KCNMA1: variants seen among roughly 807,000 people sequenced by gnomAD.
KCNMA1 encodes the protein Calcium-activated potassium channel subunit alpha-1.
In KCNMA1, 29 loss-of-function variants were observed where a neutral mutation model predicts 140.0. The observed-to-expected ratio is 0.21, with a 90% CI of 0.15 to 0.28. The LOEUF (loss-of-function observed/expected upper bound fraction) is 0.28. Ranked by LOEUF, KCNMA1 falls within the 10% of genes least tolerant of loss-of-function variation. The pLI, the probability that KCNMA1 is intolerant of heterozygous loss-of-function variation, is 1.00. For missense variants in KCNMA1, 880 were observed against 1,602.2 expected (o/e 0.55, Z 7.70); for synonymous variants, 612 against 611.9 (o/e 1.00, Z 0.00).
At chr10:77,262,896 T>A (rs540838695) in intron 2 of KCNMA1, among the ~76,000 whole-genome samples, 4 of 152,210 alleles carry the variant, frequency 2.6e-5, no homozygotes, top group African/African-American at 9.6e-5. Context: ...GCAATGCAAA[T>A]AACTAGTACA....
intron 2 of KCNMA1, among the ~76,000 whole-genome samples, chr10:77,284,180 A>T (rs954687135): frequency 3.9e-5 from 6 of 152,194 alleles, no homozygotes; most frequent in African/African-American, 1.4e-4. Context: ...CTAATTGTTC[A>T]GGAAAGGTGA....
chr10:77,322,972 A>C (rs1399403112), intron 2 of KCNMA1, among the ~76,000 whole-genome samples: 1 of 152,210 alleles, frequency 6.6e-6, no homozygotes, highest in African/African-American at 2.4e-5. Flanking sequence ...CTGAGGATTG[A>C]CTTATTCAGC....
intron 19 of KCNMA1, among the ~76,000 whole-genome samples, chr10:76,994,585 G>A (rs2083662326): frequency 6.6e-6 from 1 of 152,168 alleles, no homozygotes; most frequent in South Asian, 2.1e-4. Context: ...ACTAAAACAT[G>A]ATGCTAGCCT....
intron 17 of KCNMA1, chr10:77,012,670 T>G: frequency 2.4e-6 from 2 of 842,214 alleles, no homozygotes; most frequent in Non-Finnish European, 3.8e-6. Context: ...TCCCATGCTA[T>G]CCAGCCCTGA....
chr10:77,256,320 G>A (rs934656587), intron 2 of KCNMA1, among the ~76,000 whole-genome samples: 4 of 152,120 alleles, frequency 2.6e-5, no homozygotes, highest in Middle Eastern at 3.2e-3. Context: ...TCACAAAGGT[G>A]GCTACCACCA....
chr10:77,000,126 C>T (rs542699348), intron 19 of KCNMA1, among the ~76,000 whole-genome samples: 2 of 152,170 alleles, frequency 1.3e-5, no homozygotes, highest in South Asian at 2.1e-4. Context: ...GTACACCTAC[C>T]CCTGCTAGGA....
At chr10:77,324,517 C>T (rs1188754001) in intron 2 of KCNMA1, among the ~76,000 whole-genome samples, 1 of 147,432 alleles carries the variant, frequency 6.8e-6, no homozygotes, top group African/African-American at 2.4e-5. Flanking sequence ...CCTGTCAATG[C>T]TAAAATATTT....
chr10:77,370,195 GCA>G (rs2094598919), intron 2 of KCNMA1, among the ~76,000 whole-genome samples: 1 of 152,142 alleles, frequency 6.6e-6, no homozygotes, highest in East Asian at 1.9e-4. Context: ...ACCAACCCCA[GCA>G]GGCTAAAAAT....
intron 1 of KCNMA1, among the ~76,000 whole-genome samples, chr10:77,450,885 G>C (rs368747286): frequency 6.6e-6 from 1 of 152,134 alleles, no homozygotes; most frequent in Non-Finnish European, 1.5e-5. Context: ...AGAATGATGG[G>C]GGCATGTTTT....
intron 1 of KCNMA1, among the ~76,000 whole-genome samples, chr10:77,499,752 C>A (rs2043206853): frequency 6.6e-6 from 1 of 151,958 alleles, no homozygotes; most frequent in Non-Finnish European, 1.5e-5. Context: ...AGGAGATGTC[C>A]ATGGTAATAA....
chr10:77,057,008 T>A lies in KCNMA1; in HGVS notation c.1749+16089A>T, dbSNP rs183441871. On this transcript the variant is annotated intron_variant, in intron 14 of 27. Transcript: ENST00000286628. ...AATAATATGGTGCAGGAAAAAAAAA[T>A]TTTTTTGAGGAAACAATAAGTGAAA... Among the ~76,000 whole-genome samples, 1,295 of 151,896 alleles carry A rather than the reference T, an allele frequency of 8.5e-3. 16 individuals carry two copies. Among genetic ancestry groups the A allele is most frequent in the African/African-American group, 0.029 (1,195 of 41,408 alleles).
chr10:77,323,310 A>G (rs1046828758), intron 2 of KCNMA1, among the ~76,000 whole-genome samples: 1 of 152,238 alleles, frequency 6.6e-6, no homozygotes, highest in African/African-American at 2.4e-5. Context: ...TCATTTGTAC[A>G]CCAAGACTCA....
chr10:77,634,134 A>T, intron 1 of KCNMA1: 1 of 985,148 alleles, frequency 1.0e-6, no homozygotes, highest in Non-Finnish European at 1.2e-6. Flanking sequence ...TCATGGCTTT[A>T]TTCAGGCTAC....
intron 5 of KCNMA1, among the ~76,000 whole-genome samples, chr10:77,129,934 T>C (rs745617381): frequency 1.0e-3 from 158 of 152,254 alleles, no homozygotes; most frequent in Admixed American, 1.8e-3. Context: ...GAGATATACA[T>C]TGAAATATAT....
intron 2 of KCNMA1, among the ~76,000 whole-genome samples, chr10:77,281,328 T>C (rs1428050701): frequency 1.3e-5 from 2 of 152,178 alleles, no homozygotes; most frequent in African/African-American, 2.4e-5. Context: ...CACAGCACCA[T>C]TCTGGAGCCT....
intron 15 of KCNMA1, among the ~76,000 whole-genome samples, chr10:77,033,491 G>A (rs2153554315): frequency 6.6e-6 from 1 of 151,508 alleles, no homozygotes; most frequent in African/African-American, 2.4e-5. Flanking sequence ...ATCTCCACTA[G>A]CACACCTAAG....
intron 1 of KCNMA1, among the ~76,000 whole-genome samples, chr10:77,573,962 C>T (rs1472604155): frequency 6.6e-6 from 1 of 151,814 alleles, no homozygotes; most frequent in Admixed American, 6.6e-5. Flanking sequence ...GTCAGCCTCC[C>T]GAGTAGTTAG....
At chr10:77,228,172 C>G (rs1237538678) in intron 3 of KCNMA1, among the ~76,000 whole-genome samples, 2 of 151,946 alleles carry the variant, frequency 1.3e-5, no homozygotes, top group Middle Eastern at 3.2e-3. Flanking sequence ...ACCATGTTGG[C>G]CAGGCTGGTT....
chr10:77,628,552 G>A (rs528259435), intron 1 of KCNMA1, among the ~76,000 whole-genome samples: 1 of 151,724 alleles, frequency 6.6e-6, no homozygotes, highest in South Asian at 2.1e-4. Flanking sequence ...AGGTACTCAG[G>A]AGGCACTAGA....
Sources: gnomAD v4.1 joint callset for allele counts (sites outside exome capture counted in the v4.1 genomes callset) on GRCh38, gnomAD v4.1.1 for gene constraint, MANE v1.5 for transcripts, NCBI Gene and HGNC (gene_info 2026-07-23, HGNC 2026-07-21) for gene names.